Variants in H3C3 observed in about 807,000 individuals in gnomAD.
H3C3 encodes H3 clustered histone 3, also known as histone H3.1.
In H3C3, 14 loss-of-function variants were observed where a neutral mutation model predicts 7.7. The ratio of observed to expected loss-of-function variants is 1.81; its 90% CI spans 1.20 to 2.83. The LOEUF (loss-of-function observed/expected upper bound fraction) is 2.83, where lower values mean the gene tolerates loss of function less well. Among genes scored for constraint, H3C3 ranks in the 30% most tolerant of loss-of-function variants. The pLI is 0.00. For missense variants in H3C3, 205 were observed against 191.2 expected (o/e 1.07, Z -0.43); for synonymous variants, 178 against 77.1 (o/e 2.31, Z -6.86).
In H3C3 at chr6:26,045,665, C is replaced by T. The variant is rs370158525; in HGVS notation, c.255C>T (p.Phe85=). 5.6e-6 allele frequency: 9 copies of T among 1,614,130 alleles called. No homozygotes were observed. The highest frequency in any genetic ancestry group is 4.5e-5 in the East Asian group (2 of 44,900). The change falls in exon 1 of 1, where the codon TTC becomes TTT. Residue 85 remains phenylalanine, a synonymous_variant. Coordinates refer to ENST00000612966, the MANE Select transcript of H3C3 (RefSeq NM_003531.3). The part of the protein sequence containing the change: ...IAQDFKTDLR[F]QSSAVMALQE... ...AGGACTTCAAAACCGACCTGCGTTT[C>T]CAGAGCTCTGCGGTGATGGCGCTGC...
At position 26,045,637 on chromosome 6, in the gene H3C3, C is replaced by G; in HGVS notation, c.227C>G (p.Ala76Gly). ...LPFQRLVREI[A>G]QDFKTDLRFQ... is the part of the protein sequence containing the mutation. The stretch of plus-strand genomic sequence containing the variant: ...TTCCAGCGCCTGGTGCGAGAAATCG[C>G]CCAGGACTTCAAAACCGACCTGCGT... The change falls in exon 1 of 1, where the codon GCC becomes GGC. Residue 76 changes from alanine (A) to glycine (G), a missense_variant. Physicochemically the swap from Ala to Gly is moderately conservative, Grantham distance 60. Transcript: ENST00000612966. 6.2e-7 allele frequency: 1 copy of G among 1,614,256 alleles called. No individual in the cohort carries two copies. Among genetic ancestry groups the G allele is most frequent in the Non-Finnish European group, 8.5e-7 (1 of 1,180,048 alleles).
chr6:26,045,836 TC>T lies in H3C3; in HGVS notation c.*17del, dbSNP rs1238900695. On this transcript the variant is annotated 3_prime_UTR_variant, in exon 1 of 1. Transcript: ENST00000612966. The stretch of plus-strand genomic sequence containing the variant: ...AAAGGGCATAAGTCTGCCCGTTTCT[TC>T]CTCATTGAAAAGGCTCTTTTCAGAG... The T allele has an allele frequency of 6.8e-6, 11 of 1,608,952 alleles. No homozygotes were observed. Among genetic ancestry groups the T allele is most frequent in the Non-Finnish European group, 9.3e-6 (11 of 1,178,652 alleles).
At position 26,045,437 on chromosome 6, in the gene H3C3, C is replaced by T. The variant is rs752104215; in HGVS notation, c.27C>T (p.Arg9=). The T allele has an allele frequency of 5.6e-6, 9 of 1,609,892 alleles. No individual in the cohort carries two copies. Among genetic ancestry groups the T allele is most frequent in the African/African-American group, 2.7e-5 (2 of 74,492 alleles). Reference sequence around the variant, plus strand: ...TGGCTCGTACGAAGCAAACAGCTCGCAAGTCTACCGGCGGCAAAGCTCCGC... The same window carrying T: ...TGGCTCGTACGAAGCAAACAGCTCGTAAGTCTACCGGCGGCAAAGCTCCGC... MARTKQTA[R]KSTGGKAPRK... is the part of the protein sequence containing the mutation. The change falls in exon 1 of 1, where the codon CGC becomes CGT. Residue 9 remains arginine, a synonymous_variant. Transcript: ENST00000612966.
rs1282394484 is a variant in H3C3 at position 26,045,710 on chromosome 6, C to T, written c.300C>T (p.Tyr100=). Residue 100 remains tyrosine, a synonymous_variant, in exon 1 of 1, where the codon TAC becomes TAT. Transcript: ENST00000612966. Reference sequence around the variant, plus strand: ...CGCTGCAGGAGGCTTGTGAGGCCTACCTGGTGGGACTCTTCGAAGACACCA... The same window carrying T: ...CGCTGCAGGAGGCTTGTGAGGCCTATCTGGTGGGACTCTTCGAAGACACCA... The part of the protein sequence containing the change: ...VMALQEACEA[Y]LVGLFEDTNL... 5 of 1,614,124 alleles carry T rather than the reference C, an allele frequency of 3.1e-6. No individual in the cohort carries two copies. The highest frequency in any genetic ancestry group is 4.2e-6 in the Non-Finnish European group (5 of 1,180,046).
Position 26,045,409 on chromosome 6 carries a change from A to T in H3C3, c.-2A>T. The T allele has an allele frequency of 8.7e-6, 14 of 1,600,514 alleles. No individual in the cohort carries two copies. Among genetic ancestry groups the T allele is most frequent in the Non-Finnish European group, 1.2e-5 (14 of 1,176,720 alleles). On this transcript the variant is annotated 5_prime_UTR_variant, in exon 1 of 1. Transcript: ENST00000612966. Reference sequence around the variant, plus strand: ...ACACTTTTGTGTGTGCTCTCATTGCAAATGGCTCGTACGAAGCAAACAGCT... The same window carrying T: ...ACACTTTTGTGTGTGCTCTCATTGCTAATGGCTCGTACGAAGCAAACAGCT...
In H3C3 at chr6:26,045,803, C is replaced by T. The variant is rs1282381117; in HGVS notation, c.393C>T (p.Ile131=). ...AAGATATCCAGCTGGCACGTCGCAT[C>T]CGTGGGGAAAGGGCATAAGTCTGCC... ...MPKDIQLARR[I]RGERA Residue 131 remains isoleucine (I), a synonymous_variant, in exon 1 of 1, where the codon ATC becomes ATT. Coordinates refer to ENST00000612966, the MANE Select transcript of H3C3 (RefSeq NM_003531.3). 1.9e-6 allele frequency: 3 copies of T among 1,614,144 alleles called. No individual in the cohort carries two copies. The highest frequency in any genetic ancestry group is 2.2e-5 in the East Asian group (1 of 44,880).
rs767008919 is a variant in H3C3, at chr6:26,045,638, C to T, written c.228C>T (p.Ala76=). 10 of 1,614,106 alleles carry T rather than the reference C, an allele frequency of 6.2e-6. No individual in the cohort carries two copies. The South Asian group carries it at 7.7e-5, about 12-fold the overall frequency. ...LPFQRLVREI[A]QDFKTDLRFQ... is the part of the protein sequence containing the mutation. ...TCCAGCGCCTGGTGCGAGAAATCGC[C>T]CAGGACTTCAAAACCGACCTGCGTT... Residue 76 remains alanine (A), a synonymous_variant, in exon 1 of 1, where the codon GCC becomes GCT. Coordinates refer to ENST00000612966, the MANE Select transcript of H3C3 (RefSeq NM_003531.3).
chr6:26,045,795 C>T lies in H3C3; in HGVS notation c.385C>T (p.Arg129Cys). The T allele has an allele frequency of 6.2e-7, 1 of 1,614,196 alleles. No individual in the cohort carries two copies. Among genetic ancestry groups the T allele is most frequent in the Non-Finnish European group, 8.5e-7 (1 of 1,180,042 alleles). ...CATGCCCAAAGATATCCAGCTGGCA[C>T]GTCGCATCCGTGGGGAAAGGGCATA... The part of the protein sequence containing the change: ...TIMPKDIQLA[R>C]RIRGERA The change falls in exon 1 of 1, where the codon CGT becomes TGT. Residue 129 changes from arginine to cysteine, a missense_variant. Coordinates refer to ENST00000612966, the MANE Select transcript of H3C3 (RefSeq NM_003531.3).
chr6:26,045,414 G>C lies in H3C3; in HGVS notation c.4G>C (p.Ala2Pro). 6.2e-7 allele frequency: 1 copy of C among 1,604,116 alleles called. No individual in the cohort carries two copies. Among genetic ancestry groups the C allele is most frequent in the Non-Finnish European group, 8.5e-7 (1 of 1,177,632 alleles). The change falls in exon 1 of 1, where the codon GCT becomes CCT. Residue 2 changes from alanine (A) to proline (P), a missense_variant. Ala to Pro is a conservative substitution (Grantham distance 27). Coordinates refer to ENST00000612966, the MANE Select transcript of H3C3 (RefSeq NM_003531.3). The part of the protein sequence containing the change: M[A>P]RTKQTARKST... ...TTTGTGTGTGCTCTCATTGCAAATG[G>C]CTCGTACGAAGCAAACAGCTCGCAA...
rs747984888 is a variant in H3C3 at position 26,045,387 on chromosome 6, C to G, written c.-24C>G. 2.5e-6 allele frequency: 4 copies of G among 1,589,962 alleles called. No individual in the cohort carries two copies. The highest frequency in any genetic ancestry group is 2.2e-5 in the East Asian group (1 of 44,810). ...GGCCACTTGCTCTCAGTTCACTACA[C>G]TTTTGTGTGTGCTCTCATTGCAAAT... On this transcript the variant is annotated 5_prime_UTR_variant, in exon 1 of 1. Coordinates refer to ENST00000612966, the MANE Select transcript of H3C3 (RefSeq NM_003531.3).
rs753809029 is a variant in H3C3 at position 26,045,687 on chromosome 6, C to G, written c.277C>G (p.Leu93Val). Residue 93 changes from leucine (L) to valine (V), a missense_variant, in exon 1 of 1, where the codon CTG becomes GTG. Transcript: ENST00000612966. ...LRFQSSAVMA[L>V]QEACEAYLVG... ...TTTCCAGAGCTCTGCGGTGATGGCGCTGCAGGAGGCTTGTGAGGCCTACCT... is the reference window on the plus strand; with the variant it reads ...TTTCCAGAGCTCTGCGGTGATGGCGGTGCAGGAGGCTTGTGAGGCCTACCT... The G allele has an allele frequency of 1.9e-6, 3 of 1,614,092 alleles. No individual in the cohort carries two copies. Among genetic ancestry groups the G allele is most frequent in the African/African-American group, 1.3e-5 (1 of 74,934 alleles).
chr6:26,045,844 G>A lies in H3C3; in HGVS notation c.*23G>A. 2 of 1,605,678 alleles carry A rather than the reference G, an allele frequency of 1.2e-6. No homozygotes were observed. Among genetic ancestry groups the A allele is most frequent in the Non-Finnish European group, 8.5e-7 (1 of 1,177,088 alleles). ...TAAGTCTGCCCGTTTCTTCCTCATT[G>A]AAAAGGCTCTTTTCAGAGCCACTCA... On this transcript the variant is annotated 3_prime_UTR_variant, in exon 1 of 1. Coordinates refer to ENST00000612966, the MANE Select transcript of H3C3 (RefSeq NM_003531.3).
At position 26,045,858 on chromosome 6, in the gene H3C3, C is replaced by T. The variant is rs989272755; in HGVS notation, c.*37C>T. On this transcript the variant is annotated 3_prime_UTR_variant, in exon 1 of 1. Transcript: ENST00000612966. ...TCTTCCTCATTGAAAAGGCTCTTTT[C>T]AGAGCCACTCACAATTTCACTTAAA... The T allele has an allele frequency of 1.9e-6, 3 of 1,575,526 alleles. No individual in the cohort carries two copies. Among genetic ancestry groups the T allele is most frequent in the Non-Finnish European group, 1.7e-6 (2 of 1,156,532 alleles).
Position 26,045,619 on chromosome 6 carries a change from G to A in H3C3, c.209G>A (p.Arg70His). 1 of 1,614,262 alleles carries A rather than the reference G, an allele frequency of 6.2e-7. No homozygotes were observed. The highest frequency in any genetic ancestry group is 8.5e-7 in the Non-Finnish European group (1 of 1,180,056). The change falls in exon 1 of 1, where the codon CGC becomes CAC. Residue 70 changes from arginine (R) to histidine (H), a missense_variant. By Grantham distance (29) the Arg-to-His change is conservative. Coordinates refer to ENST00000612966, the MANE Select transcript of H3C3 (RefSeq NM_003531.3). ...ELLIRKLPFQRLVREIAQDFK... is the reference protein window; with the variant it reads ...ELLIRKLPFQHLVREIAQDFK... ...CTGATCCGGAAGCTGCCGTTCCAGC[G>A]CCTGGTGCGAGAAATCGCCCAGGAC... is the stretch of plus-strand genomic sequence containing the variant.
rs748548252 is a variant in H3C3, at chr6:26,045,863, C to T, written c.*42C>T. 6 of 1,566,480 alleles carry T rather than the reference C, an allele frequency of 3.8e-6. 1 individual carries two copies. Among genetic ancestry groups the T allele is most frequent in the Admixed American group, 3.6e-5 (2 of 54,976 alleles). On this transcript the variant is annotated 3_prime_UTR_variant, in exon 1 of 1. Coordinates refer to ENST00000612966, the MANE Select transcript of H3C3 (RefSeq NM_003531.3). ...CTCATTGAAAAGGCTCTTTTCAGAG[C>T]CACTCACAATTTCACTTAAAAACAG...
chr6:26,045,719 A>G lies in H3C3; in HGVS notation c.309A>G (p.Gly103=). ...LQEACEAYLV[G]LFEDTNLCAI... is the part of the protein sequence containing the mutation. ...AGGCTTGTGAGGCCTACCTGGTGGG[A>G]CTCTTCGAAGACACCAATCTGTGCG... is the stretch of plus-strand genomic sequence containing the variant. Residue 103 remains glycine, a synonymous_variant, in exon 1 of 1, where the codon GGA becomes GGG. Transcript: ENST00000612966. The G allele has an allele frequency of 1.9e-6, 3 of 1,614,052 alleles. No homozygotes were observed. The highest frequency in any genetic ancestry group is 1.6e-4 in the Middle Eastern group (1 of 6,062).
rs3752417 is a variant in H3C3 at position 26,045,677 on chromosome 6, G to C, written c.267G>C (p.Ala89=). ...CCGACCTGCGTTTCCAGAGCTCTGC[G>C]GTGATGGCGCTGCAGGAGGCTTGTG... ...FKTDLRFQSS[A]VMALQEACEA... Residue 89 remains alanine, a synonymous_variant, in exon 1 of 1, where the codon GCG becomes GCC. Coordinates refer to ENST00000612966, the MANE Select transcript of H3C3 (RefSeq NM_003531.3). 157,051 of 1,614,180 alleles carry C rather than the reference G, an allele frequency of 0.097. 8,506 individuals are homozygous for C. Among genetic ancestry groups the C allele is most frequent in the African/African-American group, 0.12 (8,695 of 75,032 alleles).
At position 26,045,443 on chromosome 6, in the gene H3C3, T is replaced by A; in HGVS notation, c.33T>A (p.Ser11=). 6.2e-7 allele frequency: 1 copy of A among 1,610,364 alleles called. No homozygotes were observed. Among genetic ancestry groups the A allele is most frequent in the Non-Finnish European group, 8.5e-7 (1 of 1,179,168 alleles). The change falls in exon 1 of 1, where the codon TCT becomes TCA. Residue 11 remains serine (S), a synonymous_variant. Transcript: ENST00000612966. MARTKQTARK[S]TGGKAPRKQL... is the part of the protein sequence containing the mutation. Reference sequence around the variant, plus strand: ...GTACGAAGCAAACAGCTCGCAAGTCTACCGGCGGCAAAGCTCCGCGCAAGC... The same window carrying A: ...GTACGAAGCAAACAGCTCGCAAGTCAACCGGCGGCAAAGCTCCGCGCAAGC...
rs1478049495 is a variant in H3C3, at chr6:26,045,560, C to T, written c.150C>T (p.Arg50=). 4.3e-6 allele frequency: 7 copies of T among 1,613,986 alleles called. No homozygotes were observed. In the Admixed American group the frequency reaches 5.0e-5, roughly 12 times the overall value. ...ACCGCCCGGGCACCGTGGCCTTGCG[C>T]GAAATCCGTCGCTACCAGAAGTCCA... ...HRYRPGTVAL[R]EIRRYQKSTE... The change falls in exon 1 of 1, where the codon CGC becomes CGT. Residue 50 remains arginine, a synonymous_variant. Coordinates refer to ENST00000612966, the MANE Select transcript of H3C3 (RefSeq NM_003531.3).
Sources: gnomAD v4.1 joint callset for allele counts on GRCh38, gnomAD v4.1.1 for gene constraint, MANE v1.5 for transcripts, NCBI Gene and HGNC (gene_info 2026-07-23, HGNC 2026-07-21) for gene names.